SAMMSON: variants seen among roughly 807,000 people sequenced by gnomAD.
SAMMSON encodes long intergenic non-protein coding RNA 1212.
intron 2 of SAMMSON, among the ~76,000 whole-genome samples, chr3:70,430,582 C>A (rs1300431752): frequency 6.6e-6 from 1 of 151,874 alleles, no homozygotes; most frequent in Non-Finnish European, 1.5e-5. Context: ...ATCTGGAATC[C>A]CTGAGTTGGT....
In SAMMSON at chr3:70,032,950, C is replaced by T. The variant is rs900741488; in HGVS notation, n.417+19278C>T. On this transcript the variant is annotated intron_variant and non_coding_transcript_variant, in intron 3 of 9. Transcript: ENST00000642114. ...TAGCTCCTCAGTCCACTTCTGATTT[C>T]GTTGCCCAGGTGGGGGACAATTCTG... Among the ~76,000 whole-genome samples the T allele has an allele frequency of 1.4e-4, 22 of 152,136 alleles. 1 individual carries two copies. The highest frequency in any genetic ancestry group is 4.3e-4 in the African/African-American group (18 of 41,440).
chr3:70,184,229 G>T (rs1375220452), intron 4 of SAMMSON: 2 of 152,122 alleles, frequency 1.3e-5, no homozygotes, highest in African/African-American at 4.8e-5. Context: ...AATAAACAGG[G>T]TTACTTTGGT....
At chr3:70,033,584 A>T (rs2067073938) in intron 3 of SAMMSON, among the ~76,000 whole-genome samples, 1 of 152,204 alleles carries the variant, frequency 6.6e-6, no homozygotes, top group African/African-American at 2.4e-5. Flanking sequence ...CTATCTTGCA[A>T]GTAACAGCCA....
At chr3:70,141,012 G>C (rs1365767062) in intron 4 of SAMMSON, among the ~76,000 whole-genome samples, 1 of 152,000 alleles carries the variant, frequency 6.6e-6, no homozygotes, top group East Asian at 1.9e-4. Context: ...TGGCAATGTA[G>C]GTTTTTTTTT....
chr3:70,291,107 G>T (rs1428188661), intron 6 of SAMMSON: 1 of 152,086 alleles, frequency 6.6e-6, no homozygotes, highest in African/African-American at 2.4e-5. Flanking sequence ...TTTTTATGAA[G>T]GAAAAGAATA....
At chr3:70,295,807 G>A (rs1702284581) in intron 7 of SAMMSON, among the ~76,000 whole-genome samples, 1 of 152,164 alleles carries the variant, frequency 6.6e-6, no homozygotes, top group Non-Finnish European at 1.5e-5. Context: ...CAAAGATGTT[G>A]CATTTTGGTG....
intron 7 of SAMMSON, among the ~76,000 whole-genome samples, chr3:70,329,703 G>T (rs2106721789): frequency 6.6e-6 from 1 of 151,890 alleles, no homozygotes; most frequent in Admixed American, 6.6e-5. Context: ...CATATTATCT[G>T]GGACTAAAGA....
intron 4 of SAMMSON, among the ~76,000 whole-genome samples, chr3:70,174,201 C>T (rs1345275843): frequency 6.6e-6 from 1 of 151,968 alleles, no homozygotes; most frequent in Admixed American, 6.6e-5. Flanking sequence ...TTAAACCACA[C>T]CTCTACATCT....
intron 6 of SAMMSON, among the ~76,000 whole-genome samples, chr3:70,259,582 T>A (rs11707285): frequency 0.074 from 11,230 of 152,136 alleles, 525 homozygotes; most frequent in East Asian, 0.13. Flanking sequence ...ATATTTTTAA[T>A]TTACTCCTCC....
intron 3 of SAMMSON, among the ~76,000 whole-genome samples, chr3:70,022,912 G>A (rs1440492610): frequency 6.6e-6 from 1 of 152,176 alleles, no homozygotes; most frequent in Non-Finnish European, 1.5e-5. Context: ...GAAAGATTGA[G>A]TGGATACATT....
intron 2 of SAMMSON, among the ~76,000 whole-genome samples, chr3:70,417,086 G>A (rs1401270432): frequency 2.0e-5 from 3 of 152,082 alleles, no homozygotes; most frequent in Non-Finnish European, 4.4e-5. Flanking sequence ...GTTCCAGGTG[G>A]AACATTGTGT....
intron 4 of SAMMSON, among the ~76,000 whole-genome samples, chr3:70,196,312 T>A (rs1469740292): frequency 6.6e-6 from 1 of 152,210 alleles, no homozygotes; most frequent in African/African-American, 2.4e-5. Flanking sequence ...TATTCAAAAT[T>A]CACTGGAGAT....
intron 2 of SAMMSON, among the ~76,000 whole-genome samples, chr3:70,398,541 A>G (rs1701111464): frequency 6.6e-6 from 1 of 152,214 alleles, no homozygotes; most frequent in Admixed American, 6.5e-5. Context: ...TTCTTTAACT[A>G]AACTATGTGT....
chr3:70,236,693 C>G (rs1035012286), intron 4 of SAMMSON, among the ~76,000 whole-genome samples: 3 of 152,006 alleles, frequency 2.0e-5, no homozygotes, highest in African/African-American at 7.2e-5. Flanking sequence ...CCTCCCAGGT[C>G]CAAGCAATCC....
At chr3:70,434,306 T>C (rs1701439720) in intron 2 of SAMMSON, among the ~76,000 whole-genome samples, 2 of 152,170 alleles carry the variant, frequency 1.3e-5, no homozygotes, top group East Asian at 3.9e-4. Context: ...ATTTCCTTCA[T>C]CAAAGTTTTA....
chr3:70,258,289 G>A (rs149922840), intron 6 of SAMMSON, among the ~76,000 whole-genome samples: 1 of 151,972 alleles, frequency 6.6e-6, no homozygotes, highest in African/African-American at 2.4e-5. Context: ...TAATAAATTG[G>A]CTTTCATCAA....
chr3:70,156,527 A>C (rs1489162086), intron 4 of SAMMSON, among the ~76,000 whole-genome samples: 1 of 152,102 alleles, frequency 6.6e-6, no homozygotes, highest in Non-Finnish European at 1.5e-5. Flanking sequence ...AGACCAAAGA[A>C]TAAATGAGAA....
chr3:70,177,105 A>G (rs1040588947), intron 4 of SAMMSON, among the ~76,000 whole-genome samples: 2 of 152,240 alleles, frequency 1.3e-5, no homozygotes, highest in African/African-American at 4.8e-5. Context: ...GTTAATCCAA[A>G]CAACTAGAGA....
chr3:70,225,945 A>T (rs947173356), intron 4 of SAMMSON, among the ~76,000 whole-genome samples: 2 of 152,168 alleles, frequency 1.3e-5, no homozygotes, highest in Non-Finnish European at 2.9e-5. Context: ...TGGTCTTTTG[A>T]TGATGCTTAC....
Sources: allele counts gnomAD v4.1 joint callset (sites outside exome capture counted in the v4.1 genomes callset), GRCh38; gene constraint gnomAD v4.1.1; transcripts MANE v1.5; gene names NCBI Gene and HGNC (gene_info 2026-07-23, HGNC 2026-07-21).